Variants in FOXP2 observed in about 807,000 individuals in gnomAD.
The protein encoded by FOXP2 is forkhead box protein P2.
Under a neutral mutation model 115.8 loss-of-function variants are expected in FOXP2, and 12 were observed. That is an observed-to-expected ratio of 0.10 (90% CI 0.07 to 0.17). The LOEUF (loss-of-function observed/expected upper bound fraction) is 0.17. Ranked by LOEUF, FOXP2 falls within the 10% of genes least tolerant of loss-of-function variation. FOXP2 has a pLI of 1.00. For synonymous variants in FOXP2, 328 were observed against 297.7 expected (o/e 1.10, Z -1.05); for missense variants, 629 against 843.5 (o/e 0.75, Z 3.15).
At chr7:114,266,847 G>T (rs1347021098) in intron 1 of FOXP2, among the ~76,000 whole-genome samples, 1 of 152,130 alleles carries the variant, frequency 6.6e-6, no homozygotes, top group Non-Finnish European at 1.5e-5. Context: ...CACTTGTTCA[G>T]CTATTAGTTC....
intron 2 of FOXP2, among the ~76,000 whole-genome samples, chr7:114,394,284 T>G (rs915860629): frequency 6.6e-6 from 1 of 152,054 alleles, no homozygotes; most frequent in Non-Finnish European, 1.5e-5. Context: ...TCCCACTGAT[T>G]AAATTGGAGA....
chr7:114,500,095 A>C (rs990587400), intron 2 of FOXP2, among the ~76,000 whole-genome samples: 6 of 151,746 alleles, frequency 4.0e-5, no homozygotes, highest in African/African-American at 1.5e-4. Context: ...GGCGCCTTGT[A>C]GTCCCAGCTA....
intron 16 of FOXP2, among the ~76,000 whole-genome samples, chr7:114,683,202 T>A (rs1273291126): frequency 1.3e-5 from 2 of 152,198 alleles, no homozygotes; most frequent in Non-Finnish European, 2.9e-5. Flanking sequence ...ACAATGAAAC[T>A]CTTAATGCTT....
intron 2 of FOXP2, among the ~76,000 whole-genome samples, chr7:114,292,913 G>A (rs546169580): frequency 1.3e-3 from 194 of 152,312 alleles, no homozygotes; most frequent in Admixed American, 3.9e-3. Flanking sequence ...TCATATTTCA[G>A]AAGATGTTCT....
upstream of FOXP2, among the ~76,000 whole-genome samples, chr7:114,411,095 A>C (rs569781595): frequency 6.6e-6 from 1 of 152,248 alleles, no homozygotes; most frequent in Admixed American, 6.5e-5. Flanking sequence ...TAAGGTATTA[A>C]GATTGGGATT....
At chr7:114,210,347 G>A (rs1180204700) in intron 1 of FOXP2, among the ~76,000 whole-genome samples, 1 of 152,070 alleles carries the variant, frequency 6.6e-6, no homozygotes, top group East Asian at 1.9e-4. Context: ...TTTGTTGTTG[G>A]TCTTCTTGTT....
Position 114,196,074 on chromosome 7 carries a change from G to A in FOXP2, c.-102+32986G>A, listed in dbSNP as rs949626179. Among the ~76,000 whole-genome samples the A allele has an allele frequency of 6.6e-5, 10 of 152,212 alleles. No homozygotes were observed. The East Asian group carries it at 1.2e-3, about 18-fold the overall frequency. ...TGTCACCAGGCTGAAATGTGATGGC[G>A]TGATCTCGGCTCACTGTACCCTCTG... On this transcript the variant is annotated intron_variant, in intron 1 of 17. Transcript: ENST00000634411.
intron 2 of FOXP2, among the ~76,000 whole-genome samples, chr7:114,374,450 T>C (rs574517891): frequency 5.8e-4 from 89 of 152,318 alleles, no homozygotes; most frequent in South Asian, 2.9e-3. Context: ...AAAAATACCT[T>C]AATATTTATT....
At chr7:114,227,726 T>C (rs760644808) in intron 1 of FOXP2, among the ~76,000 whole-genome samples, 5 of 152,000 alleles carry the variant, frequency 3.3e-5, no homozygotes, top group Non-Finnish European at 5.9e-5. Context: ...TTATTTCTGC[T>C]CAACAGAAAT....
intron 1 of FOXP2, among the ~76,000 whole-genome samples, chr7:114,241,153 C>G (rs188388307): frequency 3.3e-5 from 5 of 151,966 alleles, no homozygotes; most frequent in South Asian, 4.1e-4. Context: ...ACACCAAGCA[C>G]TTATTGAGTG....
chr7:114,657,955 T>C (rs976759622), intron 10 of FOXP2, 111 bp from the exon 11 acceptor site: 1 of 1,136,938 alleles, frequency 8.8e-7, no homozygotes, highest in African/African-American at 1.5e-5. Flanking sequence ...TTTTGCAGCT[T>C]ATTAGTGGCA....
intron 16 of FOXP2, among the ~76,000 whole-genome samples, chr7:114,672,311 G>GCAATGGCT (rs1440691113): frequency 1.3e-5 from 2 of 152,196 alleles, no homozygotes; most frequent in African/African-American, 4.8e-5. Flanking sequence ...TTGGCCGGGT[G>GCAATGGCT]CAATGGCTCA....
intron 3 of FOXP2, 100 bp downstream of exon 3, chr7:114,534,806 A>C: frequency 1.1e-6 from 1 of 872,088 alleles, no homozygotes; most frequent in Non-Finnish European, 1.9e-6. Context: ...AAATTATTAC[A>C]TTTGCATATG....
rs1808761073 is a variant in FOXP2 at position 114,693,096 on chromosome 7, T to C, written c.*3170T>C. 2.2e-6 allele frequency: 1 copy of C among 453,932 alleles called. No individual in the cohort carries two copies. The highest frequency in any genetic ancestry group is 4.4e-6 in the Non-Finnish European group (1 of 226,668). 28.1% of individuals were successfully genotyped at this position (453,932 alleles called of 1,614,324 possible). On this transcript the variant is annotated 3_prime_UTR_variant, in exon 17 of 17. Transcript: ENST00000350908. ...CACAATTGCTTAAACCTAGTGGGCT[T>C]AAGGCTTATATTCTATGTGGTTGGA...
intron 16 of FOXP2, chr7:114,669,723 C>T (rs1358122391): frequency 6.6e-6 from 1 of 152,046 alleles, no homozygotes. Context: ...GTAGACTAGA[C>T]TTGGAAGATG....
intron 9 of FOXP2, 137 bp from the exon 10 acceptor site, chr7:114,653,789 T>C: frequency 2.2e-6 from 2 of 930,090 alleles, no homozygotes; most frequent in Non-Finnish European, 3.4e-6. Context: ...TCCTCCCAGA[T>C]AAGTTCCTCC....
At chr7:114,341,200 A>G (rs114113966) in intron 2 of FOXP2, among the ~76,000 whole-genome samples, 161 of 151,330 alleles carry the variant, frequency 1.1e-3, no homozygotes, top group African/African-American at 3.7e-3. Flanking sequence ...GAACTATCAT[A>G]TATTTAGCAG....
intron 1 of FOXP2, among the ~76,000 whole-genome samples, chr7:114,282,573 T>G (rs1438005785): frequency 1.3e-5 from 2 of 152,144 alleles, no homozygotes; most frequent in Non-Finnish European, 2.9e-5. Flanking sequence ...TAGTTTTATG[T>G]TTTTTAGTCT....
intron 3 of FOXP2, among the ~76,000 whole-genome samples, chr7:114,550,768 A>C (rs1344633770): frequency 5.9e-5 from 9 of 152,238 alleles, no homozygotes; most frequent in Admixed American, 5.9e-4. Context: ...TGTTACCATC[A>C]CTAAATAGTC....
Sources: gnomAD v4.1 joint callset for allele counts (sites outside exome capture counted in the v4.1 genomes callset) on GRCh38, gnomAD v4.1.1 for gene constraint, MANE v1.5 for transcripts, NCBI Gene and HGNC (gene_info 2026-07-23, HGNC 2026-07-21) for gene names.